TRPC5: variants seen among roughly 807,000 people sequenced by gnomAD.
The protein encoded by TRPC5 is transient receptor potential cation channel subfamily C member 5.
TRPC5 carries 9 observed loss-of-function variants against 56.5 expected under a neutral mutation model. The ratio of observed to expected loss-of-function variants is 0.16; its 90% CI spans 0.10 to 0.28. The LOEUF (loss-of-function observed/expected upper bound fraction) is 0.28. Among genes scored for constraint, TRPC5 ranks in the 10% least tolerant of loss-of-function variants. The pLI, the probability that TRPC5 is intolerant of heterozygous loss-of-function variation, is 1.00. For synonymous variants in TRPC5, 282 were observed against 278.5 expected, an observed-to-expected ratio of 1.01 and a Z score of -0.13; for missense variants, 469 against 748.9, an observed-to-expected ratio of 0.63 and a Z score of 4.36.
chrX:111,989,814 C>T (rs144384049), intron 1 of TRPC5, among the ~76,000 whole-genome samples: 1,894 of 112,259 alleles, frequency 0.017, 44 homozygotes, highest in African/African-American at 0.058. Flanking sequence ...AAGCAAGATG[C>T]ATACTGTATG....
chrX:111,956,028 G>A (rs1407027988), intron 1 of TRPC5, among the ~76,000 whole-genome samples: 1 of 112,501 alleles, frequency 8.9e-6, no homozygotes, highest in Non-Finnish European at 1.9e-5. Flanking sequence ...TCTTTTCTTT[G>A]CTGCTGGCCA....
In TRPC5 at chrX:111,806,112, A is replaced by G. The variant is rs191391063; in HGVS notation, c.1897-23974T>C. 5.3e-5 allele frequency among the ~76,000 whole-genome samples: 6 copies of G among 112,454 alleles called. No individual in the cohort carries two copies. The East Asian group carries it at 1.7e-3, about 31-fold the overall frequency. On this transcript the variant is annotated intron_variant, in intron 7 of 10. Coordinates refer to ENST00000262839, the MANE Select transcript of TRPC5 (RefSeq NM_012471.3). ...ATCTATTTTCTATATCATGAATTTT[A>G]CTTAATATGTTGGGTTAAACAAGGT...
intron 1 of TRPC5, among the ~76,000 whole-genome samples, chrX:112,075,403 T>C (rs1251770461): frequency 9.0e-6 from 1 of 111,712 alleles, no homozygotes; most frequent in Non-Finnish European, 1.9e-5. Flanking sequence ...ACCTATCATA[T>C]AGAAACTGTA....
At position 111,770,934 on chromosome X, in the gene TRPC5, T is replaced by C. The variant is rs1301170153; in HGVS notation, c.*5379A>G. ...CAAGTGCCACTAAGGACAGTGCCTT[T>C]TGTGTGTATGTATGTAAGCTCCTGG... On this transcript the variant is annotated 3_prime_UTR_variant, in exon 11 of 11. Transcript: ENST00000262839. 8.9e-6 allele frequency among the ~76,000 whole-genome samples: 1 copy of C among 112,121 alleles called. No homozygotes were observed. Among genetic ancestry groups the C allele is most frequent in the Non-Finnish European group, 1.9e-5 (1 of 53,223 alleles).
chrX:111,817,923 A>C (rs1488644694), intron 7 of TRPC5, among the ~76,000 whole-genome samples: 1 of 111,338 alleles, frequency 9.0e-6, no homozygotes, highest in Non-Finnish European at 1.9e-5. Flanking sequence ...GCATCCTGCC[A>C]CACCCCACTT....
chrX:111,836,054 G>C (rs1194288780), intron 6 of TRPC5, among the ~76,000 whole-genome samples: 2 of 111,377 alleles, frequency 1.8e-5, no homozygotes, highest in East Asian at 5.7e-4. Context: ...CTTGCCCAAG[G>C]ACACCTTACT....
intron 6 of TRPC5, among the ~76,000 whole-genome samples, chrX:111,842,601 G>A (rs1363743956): frequency 8.9e-6 from 1 of 112,307 alleles, no homozygotes; most frequent in Non-Finnish European, 1.9e-5. Context: ...GAAATCGATG[G>A]CATGCTTCTT....
intron 1 of TRPC5, among the ~76,000 whole-genome samples, chrX:112,065,125 C>T (rs1331575270): frequency 9.1e-6 from 1 of 109,440 alleles, no homozygotes; most frequent in Non-Finnish European, 1.9e-5. Flanking sequence ...CACATTCACA[C>T]ACTTGGTTTC....
At chrX:111,806,333 T>G (rs1287918321) in intron 7 of TRPC5, among the ~76,000 whole-genome samples, 1 of 112,323 alleles carries the variant, frequency 8.9e-6, no homozygotes, top group South Asian at 3.7e-4. Context: ...ATGGACAAGG[T>G]GTTGGCTAGA....
rs1302041352 is a variant in TRPC5, at chrX:111,770,596, A to G, written c.*5717T>C. Among the ~76,000 whole-genome samples, 1 of 111,694 alleles carries G rather than the reference A, an allele frequency of 9.0e-6. No homozygotes were observed. Among genetic ancestry groups the G allele is most frequent in the Non-Finnish European group, 1.9e-5 (1 of 53,147 alleles). The stretch of plus-strand genomic sequence containing the variant: ...TTTAGCCCCGTGTTTTAAAGTGTAT[A>G]TCCTCACTCATCCTTACTTCAAAAG... On this transcript the variant is annotated 3_prime_UTR_variant, in exon 11 of 11. Coordinates refer to ENST00000262839, the MANE Select transcript of TRPC5 (RefSeq NM_012471.3).
chrX:111,901,768 C>A (rs1041715779), intron 3 of TRPC5: 16 of 772,361 alleles, frequency 2.1e-5, no homozygotes, highest in Non-Finnish European at 2.7e-5. Context: ...CATTGTTAGC[C>A]CCTTATACTA....
At chrX:111,981,217 C>G (rs1928074155) in intron 1 of TRPC5, among the ~76,000 whole-genome samples, 1 of 110,006 alleles carries the variant, frequency 9.1e-6, no homozygotes, top group Non-Finnish European at 1.9e-5. Context: ...AGTTCAAAAA[C>G]CAGCAGGCTT....
chrX:111,817,063 A>G (rs763782849), intron 7 of TRPC5, among the ~76,000 whole-genome samples: 1 of 111,660 alleles, frequency 9.0e-6, no homozygotes, highest in Non-Finnish European at 1.9e-5. Flanking sequence ...TAGTGGAAGA[A>G]TCCTCCTTAC....
At chrX:111,993,911 A>T (rs1928439712) in intron 1 of TRPC5, among the ~76,000 whole-genome samples, 1 of 110,738 alleles carries the variant, frequency 9.0e-6, no homozygotes, top group Non-Finnish European at 1.9e-5. Flanking sequence ...GTTTAATTAG[A>T]TCTCATTTGT....
intron 7 of TRPC5, among the ~76,000 whole-genome samples, chrX:111,816,947 G>T (rs1921876816): frequency 9.0e-6 from 1 of 111,703 alleles, no homozygotes; most frequent in Non-Finnish European, 1.9e-5. Flanking sequence ...AAATAAACAT[G>T]TTACTTCCTT....
At chrX:111,939,269 A>G (rs927542889) in intron 2 of TRPC5, among the ~76,000 whole-genome samples, 2 of 111,440 alleles carry the variant, frequency 1.8e-5, no homozygotes, top group East Asian at 5.6e-4. Context: ...ATGATAAGTG[A>G]CCTTTTAAAT....
At chrX:112,027,732 A>G (rs191329422) in intron 1 of TRPC5, among the ~76,000 whole-genome samples, 48 of 111,082 alleles carry the variant, frequency 4.3e-4, no homozygotes, top group Admixed American at 4.8e-4. Flanking sequence ...TCCTGACCTC[A>G]TGATCCACCC....
At chrX:111,937,510 T>A (rs1272575337) in intron 2 of TRPC5, among the ~76,000 whole-genome samples, 1 of 106,455 alleles carries the variant, frequency 9.4e-6, no homozygotes, top group African/African-American at 3.5e-5. Flanking sequence ...CCATCTTGAA[T>A]TAATTTTTGT....
At chrX:111,974,423 A>G (rs1214599307) in intron 1 of TRPC5, among the ~76,000 whole-genome samples, 2 of 111,638 alleles carry the variant, frequency 1.8e-5, no homozygotes, top group Non-Finnish European at 3.8e-5. Flanking sequence ...CTGTTCCCCC[A>G]TAAAAGCAAT....
Sources: allele counts gnomAD v4.1 joint callset (sites outside exome capture counted in the v4.1 genomes callset), GRCh38; gene constraint gnomAD v4.1.1; transcripts MANE v1.5; gene names NCBI Gene and HGNC (gene_info 2026-07-23, HGNC 2026-07-21).